Variants in ARL15 observed in about 807,000 individuals in gnomAD.
ARL15 encodes ARF like GTPase 15, also known as ADP-ribosylation factor-like protein 15.
Under a neutral mutation model 25.2 loss-of-function variants are expected in ARL15, and 19 were observed. The ratio of observed to expected loss-of-function variants is 0.75; its 90% confidence interval spans 0.53 to 1.10. ARL15 has a LOEUF of 1.10. Ranked by LOEUF, ARL15 falls within the 50% of genes least tolerant of loss-of-function variation. ARL15 has a pLI of 0.00. For missense variants in ARL15, 220 were observed against 246.0 expected (o/e 0.89, Z 0.71); for synonymous variants, 94 against 86.8 (o/e 1.08, Z -0.46).
At chr5:54,133,820 G>C (rs1037860201) in intron 3 of ARL15, among the ~76,000 whole-genome samples, 1 of 152,102 alleles carries the variant, frequency 6.6e-6, no homozygotes, top group African/African-American at 2.4e-5. Flanking sequence ...CAGGAAGACA[G>C]TTAAAGGAGG....
chr5:54,112,708 T>C (rs1010886441), intron 4 of ARL15, among the ~76,000 whole-genome samples: 1 of 152,178 alleles, frequency 6.6e-6, no homozygotes, highest in African/African-American at 2.4e-5. Flanking sequence ...CATGTTAAAA[T>C]GTATTTGATG....
intron 1 of ARL15, among the ~76,000 whole-genome samples, chr5:54,240,002 C>T (rs1458656127): frequency 1.3e-5 from 2 of 151,972 alleles, no homozygotes; most frequent in African/African-American, 2.4e-5. Flanking sequence ...CCGAGGCAGG[C>T]GGATCACGAG....
chr5:54,091,144 G>A (rs1752115551), intron 4 of ARL15, among the ~76,000 whole-genome samples: 1 of 152,012 alleles, frequency 6.6e-6, no homozygotes, highest in South Asian at 2.1e-4. Flanking sequence ...CCACACTTTG[G>A]AAATCTAAAA....
chr5:53,959,244 A>T (rs959889081), intron 4 of ARL15, among the ~76,000 whole-genome samples: 1 of 152,216 alleles, frequency 6.6e-6, no homozygotes, highest in Non-Finnish European at 1.5e-5. Flanking sequence ...TTTTCAAATA[A>T]ATGTGCTGGC....
intron 4 of ARL15, among the ~76,000 whole-genome samples, chr5:54,058,632 G>A (rs1750963558): frequency 6.6e-6 from 1 of 152,190 alleles, no homozygotes. Context: ...AAGCTCCAAG[G>A]TAAGATTACC....
At chr5:54,181,145 C>T (rs759145130) in intron 1 of ARL15, among the ~76,000 whole-genome samples, 1 of 152,130 alleles carries the variant, frequency 6.6e-6, no homozygotes, top group Non-Finnish European at 1.5e-5. Context: ...TTCACATCTT[C>T]TCACATTGGA....
At chr5:54,036,290 T>G (rs1750163694) in intron 4 of ARL15, among the ~76,000 whole-genome samples, 1 of 152,242 alleles carries the variant, frequency 6.6e-6, no homozygotes, top group African/African-American at 2.4e-5. Flanking sequence ...ATTTGCAATG[T>G]TTTTAAAATT....
At chr5:54,303,023 T>C (rs1190510637) in intron 1 of ARL15, among the ~76,000 whole-genome samples, 1 of 152,122 alleles carries the variant, frequency 6.6e-6, no homozygotes, top group African/African-American at 2.4e-5. Flanking sequence ...TCACCTACAA[T>C]AGTTATGAGA....
At position 54,283,949 on chromosome 5, in the gene ARL15, T is replaced by C. The variant is rs138471404; in HGVS notation, c.48+26483A>G. Among the ~76,000 whole-genome samples the C allele has an allele frequency of 8.5e-5, 13 of 152,308 alleles. No homozygotes were observed. The East Asian group carries it at 1.7e-3, about 20-fold the overall frequency. On this transcript the variant is annotated intron_variant, in intron 1 of 4. Coordinates refer to ENST00000504924, the MANE Select transcript of ARL15 (RefSeq NM_019087.3). ...TTTCCAGGCTGTAACGGAGACTTAATGTAGCTCCAGTGACAATCTTGGGTT... is the reference window on the plus strand; with the variant it reads ...TTTCCAGGCTGTAACGGAGACTTAACGTAGCTCCAGTGACAATCTTGGGTT...
At chr5:53,908,283 C>T (rs886114548) in intron 4 of ARL15, among the ~76,000 whole-genome samples, 2 of 151,994 alleles carry the variant, frequency 1.3e-5, no homozygotes, top group African/African-American at 4.8e-5. Context: ...CTTCTGTATC[C>T]ATGGGTTCCA....
intron 4 of ARL15, among the ~76,000 whole-genome samples, chr5:54,033,198 A>T (rs1277494571): frequency 2.6e-5 from 4 of 151,912 alleles, no homozygotes; most frequent in Non-Finnish European, 4.4e-5. Context: ...CTGTAATCCC[A>T]GCTACTCGGG....
At chr5:54,054,637 A>G (rs1299964350) in intron 4 of ARL15, among the ~76,000 whole-genome samples, 1 of 152,062 alleles carries the variant, frequency 6.6e-6, no homozygotes, top group Non-Finnish European at 1.5e-5. Flanking sequence ...AAAAACACAA[A>G]AAATTAGCCG....
chr5:54,208,995 G>A (rs1206265985), intron 1 of ARL15, among the ~76,000 whole-genome samples: 1 of 152,156 alleles, frequency 6.6e-6, no homozygotes, highest in Non-Finnish European at 1.5e-5. Context: ...TGATGAGGAC[G>A]TAGCAAACTA....
intron 1 of ARL15, among the ~76,000 whole-genome samples, chr5:54,262,633 T>C (rs1757522868): frequency 6.6e-6 from 1 of 152,312 alleles, no homozygotes; most frequent in Middle Eastern, 3.4e-3. Context: ...CTATCTCTAT[T>C]AAGTAAAATA....
intron 4 of ARL15, among the ~76,000 whole-genome samples, chr5:53,939,747 A>C (rs1448955767): frequency 6.6e-6 from 1 of 152,096 alleles, no homozygotes; most frequent in African/African-American, 2.4e-5. Flanking sequence ...AAAAAATAAA[A>C]TAAAATAAAG....
intron 4 of ARL15, among the ~76,000 whole-genome samples, chr5:54,024,514 T>C (rs1366358270): frequency 6.6e-6 from 1 of 152,182 alleles, no homozygotes; most frequent in African/African-American, 2.4e-5. Flanking sequence ...ATTTTACTTG[T>C]TATTTTAGGG....
chr5:53,916,293 T>TCAA (rs5867901), intron 4 of ARL15, among the ~76,000 whole-genome samples: 99 of 141,950 alleles, frequency 7.0e-4, no homozygotes, highest in African/African-American at 2.4e-3. Flanking sequence ...AATGTAATAT[T>TCAA]AAAAAAAAAA....
intron 4 of ARL15, among the ~76,000 whole-genome samples, chr5:53,905,101 C>A (rs1222430991): frequency 6.6e-6 from 1 of 152,164 alleles, no homozygotes; most frequent in East Asian, 1.9e-4. Context: ...TTTAACTACA[C>A]GTTCTGCTCT....
chr5:54,133,297 G>A (rs889283979), intron 3 of ARL15, among the ~76,000 whole-genome samples: 1 of 152,136 alleles, frequency 6.6e-6, no homozygotes, highest in Non-Finnish European at 1.5e-5. Flanking sequence ...ATCAGAAATT[G>A]TCTAAACCAT....
Sources: gnomAD v4.1 joint callset for allele counts (sites outside exome capture counted in the v4.1 genomes callset) on GRCh38, gnomAD v4.1.1 for gene constraint, MANE v1.5 for transcripts, NCBI Gene and HGNC (gene_info 2026-07-23, HGNC 2026-07-21) for gene names.